GPT2: variants seen among roughly 807,000 people sequenced by gnomAD.
GPT2 encodes the protein glutamic--pyruvic transaminase 2, also known as alanine aminotransferase 2.
Under a neutral mutation model 56.9 loss-of-function variants are expected in GPT2, and 30 were observed. The ratio of observed to expected loss-of-function variants is 0.53; its 90% CI spans 0.39 to 0.72. The LOEUF is 0.72. GPT2 is among the 30% of genes least tolerant of loss of function. GPT2 has a pLI of 0.00. For synonymous variants in GPT2, 271 were observed against 283.1 expected (o/e 0.96, Z 0.43); for missense variants, 542 against 703.4 (o/e 0.77, Z 2.60).
At position 46,929,073 on chromosome 16, in the gene GPT2, C is replaced by G. The variant is rs1486777790; in HGVS notation, c.*76C>G. On this transcript the variant is annotated 3_prime_UTR_variant, in exon 12 of 12. Coordinates refer to ENST00000340124, the MANE Select transcript of GPT2 (RefSeq NM_133443.4). ...CCCGTCAGGCTGAACTCGCCTCCCC[C>G]GTGACTCTGCCTCGGGCCTCGCAGA... 2.6e-6 allele frequency: 3 copies of G among 1,167,864 alleles called. No homozygotes were observed. 72.3% of individuals were successfully genotyped at this position (1,167,864 alleles called of 1,614,324 possible).
chr16:46,925,947 C>T (rs62059082), intron 10 of GPT2, among the ~76,000 whole-genome samples: 8 of 151,018 alleles, frequency 5.3e-5, no homozygotes, highest in African/African-American at 1.2e-4. Context: ...TTGGCCAACA[C>T]GGTGAAACCC....
rs577756791 is a variant in GPT2, at chr16:46,924,490, C to A, written c.1314C>A (p.Ala438=). The A allele has an allele frequency of 5.3e-5, 85 of 1,614,234 alleles. 1 individual carries two copies. In the South Asian group the frequency reaches 9.0e-4, roughly 17 times the overall value. ...TTCACTGCAACCCCTTGCAGGGGGC[C>A]ATGTACGCCTTCCCTCGGATCTTCA... The part of the protein sequence containing the change: ...PGIHCNPLQG[A]MYAFPRIFIP... Residue 438 remains alanine (A), a synonymous_variant, in exon 10 of 12, where the codon GCC becomes GCA. Coordinates refer to ENST00000340124, the MANE Select transcript of GPT2 (RefSeq NM_133443.4).
In GPT2 at chr16:46,900,687, GGCACTAT is replaced by G. The variant is rs762689433; in HGVS notation, c.344_350del (p.Leu115ProfsTer67). The G allele has an allele frequency of 1.2e-6, 2 of 1,613,210 alleles. No homozygotes were observed. Among genetic ancestry groups the G allele is most frequent in the South Asian group, 2.2e-5 (2 of 91,032 alleles). Reference sequence around the variant, plus strand: ...CCTGTGTCTTGTTCCCCCAGGTGATGGCACTATGCACCTACCCAAACCTGCTGGACAG... The same window carrying G: ...CCTGTGTCTTGTTCCCCCAGGTGATGGCACCTACCCAAACCTGCTGGACAG... On this transcript the variant is annotated frameshift_variant, in exon 4 of 12. Coordinates refer to ENST00000340124, the MANE Select transcript of GPT2 (RefSeq NM_133443.4). LOFTEE classifies it high-confidence loss of function.
chr16:46,916,426 A>G, intron 6 of GPT2: 1 of 580,602 alleles, frequency 1.7e-6, no homozygotes, highest in South Asian at 2.3e-5. Flanking sequence ...AGAGTCAGAC[A>G]CACAGGCTGC....
chr16:46,925,435 A>G (rs1961387800), intron 10 of GPT2, among the ~76,000 whole-genome samples: 2 of 151,922 alleles, frequency 1.3e-5, no homozygotes, highest in Admixed American at 6.6e-5. Flanking sequence ...GTTAGCCAGG[A>G]TGGTGTCGAT....
intron 6 of GPT2, among the ~76,000 whole-genome samples, chr16:46,913,684 T>C (rs931445915): frequency 6.6e-6 from 1 of 152,238 alleles, no homozygotes; most frequent in Non-Finnish European, 1.5e-5. Flanking sequence ...TATTTTTCCA[T>C]AGACCAGAAT....
intron 1 of GPT2, 53 bp from the exon 2 acceptor site, chr16:46,884,641 T>G (rs1028171823): frequency 1.5e-6 from 2 of 1,333,010 alleles, no homozygotes; most frequent in African/African-American, 3.0e-5. Flanking sequence ...GGGGGAGTGC[T>G]GCACGCCTGG....
intron 5 of GPT2, among the ~76,000 whole-genome samples, chr16:46,908,436 G>A (rs1369759718): frequency 6.6e-6 from 1 of 152,162 alleles, no homozygotes; most frequent in African/African-American, 2.4e-5. Flanking sequence ...GCCTCCCAGG[G>A]CCTGGAATGG....
chr16:46,929,357 G>A lies in GPT2; in HGVS notation c.*360G>A. 3.9e-6 allele frequency: 1 copy of A among 256,312 alleles called. No homozygotes were observed. Among genetic ancestry groups the A allele is most frequent in the East Asian group, 8.4e-5 (1 of 11,954 alleles). The allele number at this position is 256,312 out of a possible 1,614,324, so 15.9% of individuals were successfully genotyped here. On this transcript the variant is annotated 3_prime_UTR_variant, in exon 12 of 12. Coordinates refer to ENST00000340124, the MANE Select transcript of GPT2 (RefSeq NM_133443.4). ...GAGAAATGAGCAGGTGTCGGGAAAT[G>A]TGTGACTTAACCGTGGTGAGGGCTG...
At chr16:46,922,712 G>T (rs1961316386) in intron 9 of GPT2, among the ~76,000 whole-genome samples, 1 of 152,136 alleles carries the variant, frequency 6.6e-6, no homozygotes. Flanking sequence ...AACACACTGG[G>T]GGGACTCATG....
chr16:46,897,718 C>T lies in GPT2; in HGVS notation c.314C>T (p.Pro105Leu). 1 of 1,613,970 alleles carries T rather than the reference C, an allele frequency of 6.2e-7. No individual in the cohort carries two copies. Among genetic ancestry groups the T allele is most frequent in the Non-Finnish European group, 8.5e-7 (1 of 1,179,880 alleles). The part of the protein sequence containing the change: ...IGDAQAMGQQ[P>L]ITFLRQVMAL... ...GACGCCCAGGCTATGGGGCAGCAGC[C>T]AATCACCTTCCTCCGGCAGGTGAGC... Residue 105 changes from proline to leucine, a missense_variant, in exon 3 of 12, where the codon CCA becomes CTA. Transcript: ENST00000340124.
intron 10 of GPT2, among the ~76,000 whole-genome samples, chr16:46,926,080 G>A (rs575242919): frequency 4.1e-5 from 6 of 144,878 alleles, no homozygotes; most frequent in African/African-American, 7.7e-5. Context: ...GTAGTGAGCC[G>A]AGATCACGCC....
chr16:46,919,274 C>T (rs1456187812), intron 8 of GPT2, among the ~76,000 whole-genome samples: 1 of 152,228 alleles, frequency 6.6e-6, no homozygotes, highest in Non-Finnish European at 1.5e-5. Flanking sequence ...GAACACCCTC[C>T]TGCCGGCACA....
intron 7 of GPT2, among the ~76,000 whole-genome samples, 176 bp downstream of exon 7, chr16:46,916,883 T>G (rs1202342412): frequency 6.6e-6 from 1 of 152,204 alleles, no homozygotes; most frequent in Non-Finnish European, 1.5e-5. Flanking sequence ...AATTTACCCC[T>G]TTATTGGTTT....
At chr16:46,896,900 C>T (rs1960694779) in intron 2 of GPT2, among the ~76,000 whole-genome samples, 1 of 152,194 alleles carries the variant, frequency 6.6e-6, no homozygotes, top group Non-Finnish European at 1.5e-5. Flanking sequence ...CCAGCACTTA[C>T]ATTAATCAGT....
chr16:46,928,207 A>C (rs1333981202), intron 11 of GPT2, among the ~76,000 whole-genome samples: 1 of 152,006 alleles, frequency 6.6e-6, no homozygotes, highest in East Asian at 1.9e-4. Flanking sequence ...GCATGCCCGT[A>C]ATCCTAGCTA....
intron 2 of GPT2, among the ~76,000 whole-genome samples, chr16:46,894,176 C>T (rs1473383652): frequency 6.6e-6 from 1 of 152,210 alleles, no homozygotes; most frequent in Non-Finnish European, 1.5e-5. Context: ...CCAGGCTTCG[C>T]GGCAGCGGCC....
intron 4 of GPT2, 116 bp from the exon 5 acceptor site, chr16:46,906,726 C>A (rs1213130521): frequency 7.2e-7 from 1 of 1,390,080 alleles, no homozygotes; most frequent in East Asian, 2.3e-5. Flanking sequence ...AGTTGGGCCC[C>A]ACCCCGAGAC....
At chr16:46,885,004 G>T (rs900812042) in intron 2 of GPT2, 46 bp downstream of exon 2, 18 of 1,417,898 alleles carry the variant, frequency 1.3e-5, no homozygotes, top group African/African-American at 1.5e-5. Context: ...GCTGAGCAAG[G>T]GAAAAACCGC....
Sources: gnomAD v4.1 joint callset for allele counts (sites outside exome capture counted in the v4.1 genomes callset) on GRCh38, gnomAD v4.1.1 for gene constraint, MANE v1.5 for transcripts, NCBI Gene and HGNC (gene_info 2026-07-23, HGNC 2026-07-21) for gene names.